The following ELN variants were observed in gnomAD, a reference collection of about 807,000 sequenced individuals.
ELN encodes the protein tropoelastin.
In ELN, 65 loss-of-function variants were observed where a neutral mutation model predicts 105.8. That is an observed-to-expected ratio of 0.61 (90% confidence interval 0.50 to 0.75). The LOEUF (loss-of-function observed/expected upper bound fraction) is 0.75, where lower values mean the gene tolerates loss of function less well. ELN is among the 30% of genes least tolerant of loss of function. The pLI, the probability that ELN is intolerant of heterozygous loss-of-function variation, is 0.00. For synonymous variants in ELN, 368 were observed against 389.2 expected, an observed-to-expected ratio of 0.95 and a Z score of 0.64; for missense variants, 882 against 969.4, an observed-to-expected ratio of 0.91 and a Z score of 1.20.
intron 3 of ELN, 74 bp downstream of exon 3, chr7:74,036,658 C>T (rs1294593628): frequency 1.2e-6 from 2 of 1,605,240 alleles, no homozygotes; most frequent in Non-Finnish European, 1.7e-6. Context: ...ATCCTCAGAC[C>T]TGAGAACCCT....
chr7:74,068,580 G>A (rs1798498415), intron 32 of ELN, 77 bp from the exon 33 acceptor site: 4 of 1,575,712 alleles, frequency 2.5e-6, no homozygotes, highest in Non-Finnish European at 3.5e-6. Flanking sequence ...CCATTCGAGT[G>A]GGTCAGAGCA....
chr7:74,048,260 GC>G, intron 14 of ELN, 59 bp downstream of exon 14: 1 of 1,610,428 alleles, frequency 6.2e-7, no homozygotes, highest in East Asian at 2.2e-5. Flanking sequence ...AGGCTCCAGA[GC>G]CCTGGGGTGG....
rs182612956 is a variant in ELN at position 74,044,063 on chromosome 7, T to G, written c.469+143T>G. ...GAGTTTGAGACCAGCCTGGGCATCA[T>G]AGTAAGGCCCTCGTCTCTACAAAAA... On this transcript the variant is annotated intron_variant, in intron 9 of 32. Transcript: ENST00000252034. 7.1e-5 allele frequency: 80 copies of G among 1,132,912 alleles called. No individual in the cohort carries two copies. In the East Asian group the frequency reaches 1.5e-3, roughly 21 times the overall value. 70.2% of individuals were successfully genotyped at this position (1,132,912 alleles called of 1,614,324 possible).
Position 74,035,418 on chromosome 7 carries a change from A to G in ELN, c.133+4A>G. The G allele has an allele frequency of 6.2e-7, 1 of 1,614,124 alleles. No homozygotes were observed. The highest frequency in any genetic ancestry group is 2.2e-5 in the East Asian group (1 of 44,886). On this transcript the variant is annotated splice_donor_region_variant and intron_variant, in intron 2 of 32. Transcript: ENST00000252034. ...CCTGGAGGAGTCTTTTATCCAGGTAACGTACATGAAACTTCCACACACCCA... is the reference window on the plus strand; with the variant it reads ...CCTGGAGGAGTCTTTTATCCAGGTAGCGTACATGAAACTTCCACACACCCA...
In ELN at chr7:74,060,452, T is replaced by C. The variant is rs1171500467; in HGVS notation, c.1698T>C (p.Ala566=). 1.9e-6 allele frequency: 3 copies of C among 1,613,634 alleles called. No homozygotes were observed. The highest frequency in any genetic ancestry group is 1.3e-5 in the African/African-American group (1 of 74,928). Residue 566 remains alanine, a synonymous_variant, in exon 25 of 33, where the codon GCT becomes GCC. Coordinates refer to ENST00000252034, the MANE Select transcript of ELN (RefSeq NM_000501.4). Reference sequence around the variant, plus strand: ...GCGTCCCTGGACTTGGAGTTGGTGCTGGTGTTCCTGGACTTGGAGTTGGTG... The same window carrying C: ...GCGTCCCTGGACTTGGAGTTGGTGCCGGTGTTCCTGGACTTGGAGTTGGTG... ...GVGVPGLGVG[A]GVPGLGVGAG...
intron 2 of ELN, 35 bp from the exon 3 acceptor site, chr7:74,036,520 C>G: frequency 6.2e-7 from 1 of 1,613,312 alleles, no homozygotes; most frequent in Non-Finnish European, 8.5e-7. Flanking sequence ...GCAGAAGTAC[C>G]GATGATCTCT....
At chr7:74,046,054 A>G in intron 10 of ELN, 134 bp from the exon 11 acceptor site, 1 of 1,248,756 alleles carries the variant, frequency 8.0e-7, no homozygotes, top group Middle Eastern at 1.9e-4. Flanking sequence ...GAAACCCCAG[A>G]GTTCATGTGA....
intron 31 of ELN, 124 bp from the exon 32 acceptor site, chr7:74,066,607 TG>T (rs1301189401): frequency 2.4e-5 from 18 of 743,826 alleles, no homozygotes; most frequent in South Asian, 8.2e-5. Context: ...AATTATATAG[TG>T]GGGGGGATGG....
chr7:74,043,993 C>A, intron 9 of ELN, 73 bp downstream of exon 9: 2 of 1,583,890 alleles, frequency 1.3e-6, no homozygotes, highest in Non-Finnish European at 1.7e-6. Context: ...TGCCTATAAT[C>A]CCATTGCTTT....
chr7:74,028,260 C>A lies in ELN; in HGVS notation c.73C>A (p.Arg25=), dbSNP rs782196221. Residue 25 remains arginine (R), a synonymous_variant, in exon 1 of 33, where the codon CGG becomes AGG. Coordinates refer to ENST00000252034, the MANE Select transcript of ELN (RefSeq NM_000501.4). ...LLLLSILHPS[R]PGGVPGAIPG... is the part of the protein sequence containing the mutation. Reference sequence around the variant, plus strand: ...CCTGCTGTCCATCCTCCACCCCTCTCGGCCTGGAGGTAAGGACCCCTCGCC... The same window carrying A: ...CCTGCTGTCCATCCTCCACCCCTCTAGGCCTGGAGGTAAGGACCCCTCGCC... 43 of 1,608,624 alleles carry A rather than the reference C, an allele frequency of 2.7e-5. 1 individual carries two copies. In the South Asian group the frequency reaches 4.5e-4, roughly 17 times the overall value.
chr7:74,051,636 G>T (rs543933957), intron 15 of ELN, 114 bp from the exon 16 acceptor site: 28 of 1,191,080 alleles, frequency 2.4e-5, no homozygotes, highest in Non-Finnish European at 3.0e-5. Flanking sequence ...AGACACCCGG[G>T]CCCCATTCCT....
rs1563868767 is a variant in ELN at position 74,063,329 on chromosome 7, C to CGCT, written c.1881_1883dup (p.Ala630dup). On this transcript the variant is annotated inframe_insertion, in exon 28 of 33. Transcript: ENST00000252034. This position sits in a 1 kb window ranked among gnomAD's most constrained non-coding sequence, Gnocchi z 4.1. Reference sequence around the variant, plus strand: ...TCCCAGGAGCCGGACCCGCCGCCGCCGCTGCCGCAGCCAAAGCTGCTGCCA... The same window carrying CGCT: ...TCCCAGGAGCCGGACCCGCCGCCGCCGCTGCTGCCGCAGCCAAAGCTGCTGCCA... 1.9e-6 allele frequency: 3 copies of CGCT among 1,551,104 alleles called. No individual in the cohort carries two copies. The highest frequency in any genetic ancestry group is 2.0e-5 in the Admixed American group (1 of 51,042).
At chr7:74,049,714 A>G (rs983175938) in intron 15 of ELN, among the ~76,000 whole-genome samples, 1 of 146,714 alleles carries the variant, frequency 6.8e-6, no homozygotes, top group African/African-American at 2.6e-5. Flanking sequence ...CCACCCATCA[A>G]TTCTTCCCTC....
At position 74,069,038 on chromosome 7, in the gene ELN, A is replaced by G. The variant is rs781869990; in HGVS notation, c.*338A>G. Reference sequence around the variant, plus strand: ...TGCTCTTATCTTCCTGGGGGGAGGGAGGAGGGAAGGGTGGCCCCTCGGGGA... The same window carrying G: ...TGCTCTTATCTTCCTGGGGGGAGGGGGGAGGGAAGGGTGGCCCCTCGGGGA... On this transcript the variant is annotated 3_prime_UTR_variant, in exon 33 of 33. Coordinates refer to ENST00000252034, the MANE Select transcript of ELN (RefSeq NM_000501.4). 1 of 429,376 alleles carries G rather than the reference A, an allele frequency of 2.3e-6. No individual in the cohort carries two copies. Among genetic ancestry groups the G allele is most frequent in the Non-Finnish European group, 4.3e-6 (1 of 230,244 alleles). 26.6% of individuals were successfully genotyped at this position (429,376 alleles called of 1,614,324 possible).
rs1584503047 is a variant in ELN, at chr7:74,037,730, C to T, written c.187C>T (p.Leu63Phe). Residue 63 changes from leucine (L) to phenylalanine (F), a missense_variant, in exon 4 of 33, where the codon CTT becomes TTT. Transcript: ENST00000252034. ...GGALGPGGKP[L>F]KPVPGGLAGA... is the part of the protein sequence containing the mutation. ...AGCGCTGGGGCCTGGAGGCAAACCT[C>T]TTAAGCCAGGTAAGACCCAAGGCCT... The T allele has an allele frequency of 6.2e-7, 1 of 1,612,370 alleles. No individual in the cohort carries two copies. The highest frequency in any genetic ancestry group is 2.2e-5 in the East Asian group (1 of 44,870).
At chr7:74,060,324 C>G (rs1435279213) in intron 24 of ELN, 52 bp from the exon 25 acceptor site, 12 of 1,614,002 alleles carry the variant, frequency 7.4e-6, no homozygotes, top group Non-Finnish European at 1.0e-5. Context: ...AGGACACCTC[C>G]TTAGGGGCAT....
In ELN at chr7:74,057,652, C is replaced by T. The variant is rs553381358; in HGVS notation, c.1370C>T (p.Pro457Leu). 29 of 1,613,928 alleles carry T rather than the reference C, an allele frequency of 1.8e-5. No homozygotes were observed. In the South Asian group the frequency reaches 2.9e-4, roughly 16 times the overall value. ...TTCACACCTCCAGGAGTGGGGACCCCAGCAGCTGCAGCTGCTAAAGCAGCC... is the reference window on the plus strand; with the variant it reads ...TTCACACCTCCAGGAGTGGGGACCCTAGCAGCTGCAGCTGCTAAAGCAGCC... ...AKAAKYGVGT[P>L]AAAAAKAAAK... is the part of the protein sequence containing the mutation. The change falls in exon 22 of 33, where the codon CCA (proline) becomes CTA (leucine). Residue 457 changes from proline (P) to leucine (L), a missense_variant. Coordinates refer to ENST00000252034, the MANE Select transcript of ELN (RefSeq NM_000501.4).
intron 21 of ELN, 129 bp from the exon 22 acceptor site, chr7:74,057,511 A>G: frequency 1.3e-6 from 2 of 1,594,656 alleles, no homozygotes; most frequent in Non-Finnish European, 1.7e-6. Context: ...GGTTTGTCTC[A>G]TGGAAGGGTC....
intron 19 of ELN, 67 bp from the exon 20 acceptor site, chr7:74,056,204 A>G (rs1175223408): frequency 2.1e-5 from 33 of 1,600,108 alleles, no homozygotes; most frequent in Non-Finnish European, 2.7e-5. Flanking sequence ...ATCCATCAGC[A>G]TCCCTCAGAG....
Sources: gnomAD v4.1 joint callset for allele counts (sites outside exome capture counted in the v4.1 genomes callset) on GRCh38, gnomAD v4.1.1 for gene constraint, Gnocchi (gnomAD v3.1) non-coding constraint, MANE v1.5 for transcripts, NCBI Gene and HGNC (gene_info 2026-07-23, HGNC 2026-07-21) for gene names.